UBE4A: variants seen among roughly 807,000 people sequenced by gnomAD.
UBE4A encodes ubiquitination factor E4A.
Under a neutral mutation model 117.9 loss-of-function variants are expected in UBE4A, and 48 were observed. The ratio of observed to expected loss-of-function variants is 0.41; its 90% confidence interval spans 0.32 to 0.52. The LOEUF (loss-of-function observed/expected upper bound fraction) is 0.52, where lower values mean the gene tolerates loss of function less well. UBE4A is among the 20% of genes least tolerant of loss of function. The pLI is 0.33. For missense variants in UBE4A, 1,067 were observed against 1,296.3 expected, an observed-to-expected ratio of 0.82 and a Z score of 2.72; for synonymous variants, 407 against 450.0, an observed-to-expected ratio of 0.90 and a Z score of 1.21.
intron 17 of UBE4A, 70 bp from the exon 18 acceptor site, chr11:118,390,587 A>G: frequency 3.1e-6 from 4 of 1,308,608 alleles, no homozygotes; most frequent in Non-Finnish European, 4.0e-6. Flanking sequence ...CTTGTTCTGC[A>G]GCCTACCTAT....
In UBE4A at chr11:118,369,450, G is replaced by A. The variant is rs1948590812; in HGVS notation, c.323G>A (p.Gly108Asp). 2 of 1,614,008 alleles carry A rather than the reference G, an allele frequency of 1.2e-6. No homozygotes were observed. The highest frequency in any genetic ancestry group is 1.7e-6 in the Non-Finnish European group (2 of 1,180,008). ...NSDPSLKSGN[G>D]IPSRCVYLEE... ...GATCCCAGCTTGAAAAGCGGGAATG[G>A]CATCCCTAGCCGTTGTGTGTATTTG... Residue 108 changes from glycine (G) to aspartate (D), a missense_variant, in exon 4 of 20, where the codon GGC becomes GAC. This residue lies in a region of UBE4A where 1,001 missense variants were observed against 1,184.0 expected (regional missense o/e 0.85). Coordinates refer to ENST00000252108, the MANE Select transcript of UBE4A (RefSeq NM_001204077.2).
intron 1 of UBE4A, among the ~76,000 whole-genome samples, chr11:118,363,621 T>C (rs60259661): frequency 0.19 from 28,212 of 148,290 alleles, 2,950 homozygotes; most frequent in East Asian, 0.49. Flanking sequence ...TTTTTTTTTT[T>C]TTTTTTTTGA....
In UBE4A at chr11:118,379,442, G is replaced by A. The variant is rs1350540941; in HGVS notation, c.1572-4G>A. 12 of 1,609,976 alleles carry A rather than the reference G, an allele frequency of 7.5e-6. No individual in the cohort carries two copies. Among genetic ancestry groups the A allele is most frequent in the Non-Finnish European group, 1.0e-5 (12 of 1,177,336 alleles). ...CCCAGTCTCTTCTGCTTTCTTGGGG[G>A]CAGGTTGCATGATCAGATGGTAAAA... is the stretch of plus-strand genomic sequence containing the variant. On this transcript the variant is annotated splice_polypyrimidine_tract_variant and splice_region_variant and intron_variant, in intron 10 of 19. Transcript: ENST00000252108.
rs538250099 is a variant in UBE4A, at chr11:118,373,008, T to C, written c.722-78T>C. ...TCTAAAAAAAAAAAAAAAAGAATTA[T>C]TGAAAGTAAAGAGCTAGTGTGTAAA... On this transcript the variant is annotated intron_variant, in intron 6 of 19. Coordinates refer to ENST00000252108, the MANE Select transcript of UBE4A (RefSeq NM_001204077.2). 19 of 1,303,206 alleles carry C rather than the reference T, an allele frequency of 1.5e-5. No individual in the cohort carries two copies. The Admixed American group carries it at 3.4e-4, about 23-fold the overall frequency. 80.7% of individuals were successfully genotyped at this position (1,303,206 alleles called of 1,614,324 possible).
intron 4 of UBE4A, among the ~76,000 whole-genome samples, chr11:118,370,350 G>T (rs1047806770): frequency 6.6e-6 from 1 of 152,136 alleles, no homozygotes; most frequent in African/African-American, 2.4e-5. Flanking sequence ...CTGTGACTAG[G>T]CACAGTGGCT....
rs1948807088 is a variant in UBE4A, at chr11:118,390,696, A to G, written c.2808A>G (p.Gly936=). Residue 936 remains glycine, a synonymous_variant, in exon 18 of 20, where the codon GGA becomes GGG. Coordinates refer to ENST00000252108, the MANE Select transcript of UBE4A (RefSeq NM_001204077.2). ...ENFCATVPKD[G]RSYSPTLFAQ... ...TCTGTGCCACTGTGCCCAAGGATGG[A>G]CGTTCCTATTCCCCAACTCTCTTTG... is the stretch of plus-strand genomic sequence containing the variant. 6.4e-7 allele frequency: 1 copy of G among 1,565,616 alleles called. No homozygotes were observed. Among genetic ancestry groups the G allele is most frequent in the African/African-American group, 1.4e-5 (1 of 71,450 alleles).
intron 19 of UBE4A, among the ~76,000 whole-genome samples, chr11:118,395,839 C>T (rs1194517722): frequency 6.6e-6 from 1 of 152,140 alleles, no homozygotes; most frequent in Non-Finnish European, 1.5e-5. Flanking sequence ...CTTTGGGAGG[C>T]CAAGGCTGGT....
intron 18 of UBE4A, among the ~76,000 whole-genome samples, chr11:118,391,482 CAAA>C (rs1183433504): frequency 2.7e-4 from 31 of 113,572 alleles, no homozygotes; most frequent in African/African-American, 9.6e-4. Flanking sequence ...GATTCCATCT[CAAA>C]AAAAAAAAAA....
At chr11:118,392,654 A>T in intron 18 of UBE4A, 84 bp from the exon 19 acceptor site, 2 of 1,343,356 alleles carry the variant, frequency 1.5e-6, no homozygotes, top group Non-Finnish European at 1.0e-6. Flanking sequence ...TTTATTTTTG[A>T]GATGGAGTCT....
chr11:118,371,274 G>A (rs919711291), intron 4 of UBE4A, among the ~76,000 whole-genome samples: 1 of 152,046 alleles, frequency 6.6e-6, no homozygotes. Flanking sequence ...GTCTTTTAAT[G>A]CCTACTCTAT....
intron 3 of UBE4A, 94 bp downstream of exon 3, chr11:118,368,898 T>C: frequency 7.7e-7 from 1 of 1,302,652 alleles, no homozygotes; most frequent in Non-Finnish European, 1.1e-6. Context: ...AATGGTTAGA[T>C]ACAAACCTAC....
rs187901506 is a variant in UBE4A, at chr11:118,375,729, G to A, written c.1450+500G>A. Among the ~76,000 whole-genome samples the A allele has an allele frequency of 2.6e-5, 4 of 152,114 alleles. No individual in the cohort carries two copies. In the East Asian group the frequency reaches 7.7e-4, roughly 29 times the overall value. Reference sequence around the variant, plus strand: ...GGTAGCTTTTAAATGTTGTACTTTAGTGAGACCTTCTCTCTGGATTTGGCA... The same window carrying A: ...GGTAGCTTTTAAATGTTGTACTTTAATGAGACCTTCTCTCTGGATTTGGCA... On this transcript the variant is annotated intron_variant, in intron 9 of 19. Transcript: ENST00000252108.
At chr11:118,373,765 C>T in intron 8 of UBE4A, 80 bp downstream of exon 8, 1 of 1,445,418 alleles carries the variant, frequency 6.9e-7, no homozygotes, top group Non-Finnish European at 9.2e-7. Flanking sequence ...TAAGGCTGCT[C>T]AAGCCTCTCT....
intron 4 of UBE4A, among the ~76,000 whole-genome samples, chr11:118,369,792 CT>C (rs1565530359): frequency 1.3e-5 from 2 of 152,024 alleles, no homozygotes; most frequent in African/African-American, 4.8e-5. Flanking sequence ...GTTAAAATGC[CT>C]TCTTAATTAC....
chr11:118,390,616 A>G, intron 17 of UBE4A, 41 bp from the exon 18 acceptor site: 1 of 1,469,250 alleles, frequency 6.8e-7, no homozygotes, highest in South Asian at 1.5e-5. Flanking sequence ...CCATTGACCA[A>G]CCCTCTGGTG....
In UBE4A at chr11:118,367,077, G is replaced by A. The variant is rs181966800; in HGVS notation, c.122-1554G>A. Among the ~76,000 whole-genome samples, 304 of 152,168 alleles carry A rather than the reference G, an allele frequency of 2.0e-3. 8 individuals carry two copies. The East Asian group carries it at 0.053, about 26-fold the overall frequency. On this transcript the variant is annotated intron_variant, in intron 2 of 19. Coordinates refer to ENST00000252108, the MANE Select transcript of UBE4A (RefSeq NM_001204077.2). ...AAATTAGCCGGGCGTGGTGGTGGGC[G>A]CCTGTAGTCCCAGCTACTTGGCTGA...
chr11:118,391,523 G>A (rs1438813270), intron 18 of UBE4A, among the ~76,000 whole-genome samples: 1 of 149,904 alleles, frequency 6.7e-6, no homozygotes, highest in Admixed American at 6.7e-5. Flanking sequence ...GGCCAGGCGC[G>A]GTGGCTCACG....
At chr11:118,373,020 A>T in intron 6 of UBE4A, 66 bp from the exon 7 acceptor site, 45 of 1,247,348 alleles carry the variant, frequency 3.6e-5, no homozygotes, top group Non-Finnish European at 4.6e-5. Flanking sequence ...GAAAGTAAAG[A>T]GCTAGTGTGT....
intron 2 of UBE4A, among the ~76,000 whole-genome samples, chr11:118,367,435 C>G (rs2134087685): frequency 6.6e-6 from 1 of 151,862 alleles, no homozygotes; most frequent in Admixed American, 6.6e-5. Context: ...TGTGAAGATT[C>G]AAACAGGCAC....
Sources: allele counts gnomAD v4.1 joint callset (sites outside exome capture counted in the v4.1 genomes callset), GRCh38; gene constraint gnomAD v4.1.1; regional missense constraint gnomAD v4.1.1; transcripts MANE v1.5; gene names NCBI Gene and HGNC (gene_info 2026-07-23, HGNC 2026-07-21).